Variants in INPP5D observed in about 807,000 individuals in gnomAD.
INPP5D encodes inositol polyphosphate-5-phosphatase D.
Under a neutral mutation model 122.9 loss-of-function variants are expected in INPP5D, and 33 were observed. The observed-to-expected ratio is 0.27, with a 90% CI of 0.20 to 0.36. INPP5D has a LOEUF of 0.36. Ranked by LOEUF, INPP5D falls within the 10% of genes least tolerant of loss-of-function variation. INPP5D has a pLI of 1.00. For synonymous variants in INPP5D, 584 were observed against 576.2 expected (o/e 1.01, Z -0.19); for missense variants, 1,053 against 1,412.7 (o/e 0.75, Z 4.08).
intron 24 of INPP5D, 72 bp from the exon 25 acceptor site, chr2:233,198,023 C>G (rs1254086521): frequency 2.7e-6 from 4 of 1,459,376 alleles, no homozygotes; most frequent in South Asian, 2.9e-5. Flanking sequence ...TCAGAGGACA[C>G]TTTCCTTGGG....
rs183864547 is a variant in INPP5D at position 233,191,320 on chromosome 2, G to C, written c.2446+1383G>C. On this transcript the variant is annotated intron_variant, in intron 22 of 26. Transcript: ENST00000445964. ...CACTATCACTATTGAGAAAAGGATG[G>C]GGGAAACCACCCCCATGATTCAATT... Among the ~76,000 whole-genome samples, 21 of 152,256 alleles carry C rather than the reference G, an allele frequency of 1.4e-4. No individual in the cohort carries two copies. In the East Asian group the frequency reaches 3.3e-3, roughly 24 times the overall value.
At chr2:233,118,929 C>T (rs1379622997) in intron 2 of INPP5D, among the ~76,000 whole-genome samples, 1 of 152,242 alleles carries the variant, frequency 6.6e-6, no homozygotes, top group African/African-American at 2.4e-5. Flanking sequence ...GCTCCCTGGC[C>T]TCTGGGAGCG....
At chr2:233,182,937 T>C (rs1694821099) in intron 19 of INPP5D, among the ~76,000 whole-genome samples, 1 of 152,202 alleles carries the variant, frequency 6.6e-6, no homozygotes, top group Non-Finnish European at 1.5e-5. Flanking sequence ...CTTATTCAGC[T>C]ACACTTAATT....
chr2:233,184,929 T>C (rs979916244), intron 20 of INPP5D, among the ~76,000 whole-genome samples: 2 of 151,356 alleles, frequency 1.3e-5, no homozygotes, highest in Admixed American at 6.6e-5. Flanking sequence ...GTTGTCGCCC[T>C]GGCCCCTCTT....
At chr2:233,090,921 A>T (rs1574717402) in intron 2 of INPP5D, among the ~76,000 whole-genome samples, 1 of 151,804 alleles carries the variant, frequency 6.6e-6, no homozygotes, top group South Asian at 2.1e-4. Context: ...TCGCGCCACA[A>T]CACTCTGGCC....
chr2:233,169,022 T>A, intron 13 of INPP5D: 1 of 388,622 alleles, frequency 2.6e-6, no homozygotes, highest in Non-Finnish European at 4.8e-6. Flanking sequence ...GCTGCCCGCT[T>A]AGCACCCTGG....
In INPP5D at chr2:233,144,547, GGTGATGGTGAGGGTGGAGATGGTGGTA is replaced by G. The variant is rs1293437591; in HGVS notation, c.754-1604_754-1578del. On this transcript the variant is annotated intron_variant, in intron 6 of 26. Transcript: ENST00000445964. The stretch of plus-strand genomic sequence containing the variant: ...TGATGGTGAGGGTGGAGGTGGTGGT[GGTGATGGTGAGGGTGGAGATGGTGGTA>G]GTGATGGTGATGGTGAGGGTGAAGG... 3.8e-3 allele frequency among the ~76,000 whole-genome samples: 481 copies of G among 127,542 alleles called. 5 individuals are homozygous for G. Among genetic ancestry groups the G allele is most frequent in the African/African-American group, 0.014 (458 of 33,752 alleles). The allele number at this position is 127,542 out of a possible 152,430, so 83.7% of individuals were successfully genotyped here.
chr2:233,072,582 ACTT>A (rs767297957), intron 1 of INPP5D, among the ~76,000 whole-genome samples: 2 of 152,336 alleles, frequency 1.3e-5, no homozygotes, highest in African/African-American at 2.4e-5. Context: ...TGGTAAAGCC[ACTT>A]CTTCTCAATG....
At chr2:233,112,173 A>G (rs1284094882) in intron 2 of INPP5D, among the ~76,000 whole-genome samples, 1 of 151,828 alleles carries the variant, frequency 6.6e-6, no homozygotes, top group Non-Finnish European at 1.5e-5. Context: ...TACTATGATG[A>G]TTGCCAAATG....
chr2:233,102,849 C>CAA (rs543054221), intron 2 of INPP5D, among the ~76,000 whole-genome samples: 22 of 88,812 alleles, frequency 2.5e-4, no homozygotes, highest in African/African-American at 3.6e-4. Flanking sequence ...GACTCCGTCT[C>CAA]AAAAAAAAAA....
At chr2:233,131,941 G>T (rs576226091) in intron 5 of INPP5D, among the ~76,000 whole-genome samples, 4 of 152,262 alleles carry the variant, frequency 2.6e-5, no homozygotes, top group African/African-American at 4.8e-5. Flanking sequence ...TTAAAAGCAC[G>T]ATCAGTACAT....
Position 233,164,302 on chromosome 2 carries a change from A to G in INPP5D, c.1438-5A>G. On this transcript the variant is annotated splice_polypyrimidine_tract_variant and splice_region_variant and intron_variant, in intron 12 of 26. Coordinates refer to ENST00000445964, the MANE Select transcript of INPP5D (RefSeq NM_001017915.3). This position sits in a 1 kb window ranked among gnomAD's most constrained non-coding sequence, Gnocchi z 4.3. Reference sequence around the variant, plus strand: ...CCGAGTATTGCAACGTTGTCCTCCCACCAGGTCGCCATCCACACGCTCTGG... The same window carrying G: ...CCGAGTATTGCAACGTTGTCCTCCCGCCAGGTCGCCATCCACACGCTCTGG... The G allele has an allele frequency of 5.2e-6, 8 of 1,547,878 alleles. No homozygotes were observed. The highest frequency in any genetic ancestry group is 7.0e-6 in the Non-Finnish European group (8 of 1,145,006).
intron 2 of INPP5D, among the ~76,000 whole-genome samples, chr2:233,107,452 G>A (rs921339600): frequency 2.0e-5 from 3 of 152,206 alleles, no homozygotes; most frequent in Non-Finnish European, 4.4e-5. Flanking sequence ...GAGGCAACAG[G>A]CTCAGGTCTT....
chr2:233,097,480 A>G (rs1272453130), intron 2 of INPP5D, among the ~76,000 whole-genome samples: 1 of 152,170 alleles, frequency 6.6e-6, no homozygotes, highest in Non-Finnish European at 1.5e-5. Context: ...TTCTCTCTCC[A>G]TTTATTCAGC....
At chr2:233,119,907 T>A (rs188575662) in intron 2 of INPP5D, among the ~76,000 whole-genome samples, 278 of 152,272 alleles carry the variant, frequency 1.8e-3, no homozygotes, top group Non-Finnish European at 3.3e-3. Flanking sequence ...CCGAAGACCT[T>A]CAGGCACCCT....
intron 4 of INPP5D, among the ~76,000 whole-genome samples, chr2:233,126,521 A>G (rs1266252713): frequency 6.6e-6 from 1 of 152,180 alleles, no homozygotes; most frequent in Non-Finnish European, 1.5e-5. Flanking sequence ...AATTCTGTGC[A>G]CGCTCCTTGA....
At chr2:233,101,904 A>G (rs1407074436) in intron 2 of INPP5D, among the ~76,000 whole-genome samples, 1 of 151,870 alleles carries the variant, frequency 6.6e-6, no homozygotes, top group Non-Finnish European at 1.5e-5. Flanking sequence ...GATCAGGGTC[A>G]AACTGCCCAT....
At chr2:233,081,158 G>A (rs113578130) in intron 2 of INPP5D, among the ~76,000 whole-genome samples, 20 of 152,332 alleles carry the variant, frequency 1.3e-4, no homozygotes, top group Non-Finnish European at 2.6e-4. Context: ...CCTTTCCAGC[G>A]CTTGGCAGCT....
intron 2 of INPP5D, among the ~76,000 whole-genome samples, chr2:233,109,244 A>G (rs1256947223): frequency 2.0e-5 from 3 of 152,062 alleles, no homozygotes; most frequent in Admixed American, 2.0e-4. Flanking sequence ...TGCTGAAGAG[A>G]ATGCAGCCCC....
Sources: gnomAD v4.1 joint callset for allele counts (sites outside exome capture counted in the v4.1 genomes callset) on GRCh38, gnomAD v4.1.1 for gene constraint, Gnocchi (gnomAD v3.1) non-coding constraint, MANE v1.5 for transcripts, NCBI Gene and HGNC (gene_info 2026-07-23, HGNC 2026-07-21) for gene names.